GNPTAB: variants seen among roughly 807,000 people sequenced by gnomAD.
GNPTAB encodes the protein N-acetylglucosamine-1-phosphotransferase subunits alpha/beta.
GNPTAB carries 92 observed loss-of-function variants against 136.6 expected under a neutral mutation model. The ratio of observed to expected loss-of-function variants is 0.67; its 90% CI spans 0.57 to 0.80. The LOEUF (loss-of-function observed/expected upper bound fraction) is 0.80, where lower values mean the gene tolerates loss of function less well. Among genes scored for constraint, GNPTAB ranks in the 30% least tolerant of loss-of-function variants. The probability of loss-of-function intolerance (pLI) is 0.00; values close to 1 mark genes in which losing one functional copy is unlikely to be tolerated. For missense variants in GNPTAB, 1,343 were observed against 1,501.8 expected, an observed-to-expected ratio of 0.89 and a Z score of 1.75; for synonymous variants, 512 against 535.1, an observed-to-expected ratio of 0.96 and a Z score of 0.60.
chr12:101,823,818 T>A (rs1015639620), intron 1 of GNPTAB, among the ~76,000 whole-genome samples: 1 of 152,164 alleles, frequency 6.6e-6, no homozygotes, highest in Non-Finnish European at 1.5e-5. Context: ...CATATTAATA[T>A]ATCCATGCAA....
Position 101,788,264 on chromosome 12 carries a change from C to T in GNPTAB, c.365+284G>A, listed in dbSNP as rs55764824. 0.082 allele frequency among the ~76,000 whole-genome samples: 12,449 copies of T among 152,120 alleles called. 667 individuals carry two copies. Among genetic ancestry groups the T allele is most frequent in the East Asian group, 0.13 (664 of 5,192 alleles). ...GGGTAGAAGATACAGTGTAAGTGGA[C>T]CAAGATAACAATGCACCAAGAGGGA... On this transcript the variant is annotated intron_variant, in intron 4 of 20. Coordinates refer to ENST00000299314, the MANE Select transcript of GNPTAB (RefSeq NM_024312.5).
chr12:101,751,041 C>G (rs1175963760), intron 19 of GNPTAB, among the ~76,000 whole-genome samples: 1 of 152,142 alleles, frequency 6.6e-6, no homozygotes, highest in Non-Finnish European at 1.5e-5. Context: ...CCCACTAATA[C>G]TAGTTATCAT....
Position 101,804,034 on chromosome 12 carries a change from C to T in GNPTAB, c.118-7272G>A, listed in dbSNP as rs79269036. Among the ~76,000 whole-genome samples the T allele has an allele frequency of 1.8e-3, 278 of 151,782 alleles. 2 individuals are homozygous for T. The highest frequency in any genetic ancestry group is 3.4e-3 in the Middle Eastern group (1 of 294). On this transcript the variant is annotated intron_variant, in intron 1 of 20. Transcript: ENST00000299314. ...ATCGCTTGAGCCTGGAAGTTCAAGACCAGTCTGGGCAATATAGTAAGACCT... is the reference window on the plus strand; with the variant it reads ...ATCGCTTGAGCCTGGAAGTTCAAGATCAGTCTGGGCAATATAGTAAGACCT...
At chr12:101,812,762 A>G (rs1332162930) in intron 1 of GNPTAB, among the ~76,000 whole-genome samples, 6 of 152,130 alleles carry the variant, frequency 3.9e-5, no homozygotes, top group African/African-American at 1.4e-4. Flanking sequence ...CTGTCTCAAA[A>G]ATAAAACAAA....
chr12:101,784,835 C>A (rs1258639577), intron 5 of GNPTAB, among the ~76,000 whole-genome samples: 1 of 152,222 alleles, frequency 6.6e-6, no homozygotes, highest in African/African-American at 2.4e-5. Flanking sequence ...AAAGGGAACA[C>A]GGCAGCTTTC....
Position 101,780,281 on chromosome 12 carries a change from T to G in GNPTAB, c.642A>C (p.Thr214=). 2 of 1,614,044 alleles carry G rather than the reference T, an allele frequency of 1.2e-6. No individual in the cohort carries two copies. The highest frequency in any genetic ancestry group is 1.7e-6 in the Non-Finnish European group (2 of 1,179,930). ...GCACTAATCCAGGGACTTCTTTATC[T>G]GTTGTCTAAAATAAGGGGAAAAACA... The part of the protein sequence containing the change: ...RQTVWRGYLT[T]DKEVPGLVLM... The change falls in exon 7 of 21, where the codon ACA becomes ACC. Residue 214 remains threonine (T), a synonymous_variant. Transcript: ENST00000299314.
intron 7 of GNPTAB, among the ~76,000 whole-genome samples, chr12:101,775,448 C>A (rs145596182): frequency 6.6e-6 from 1 of 151,908 alleles, no homozygotes; most frequent in Non-Finnish European, 1.5e-5. Flanking sequence ...CAACCTCTGC[C>A]TGCTGGGTTC....
chr12:101,764,106 AG>A, intron 13 of GNPTAB, 95 bp downstream of exon 13: 1 of 1,502,570 alleles, frequency 6.7e-7, no homozygotes, highest in Non-Finnish European at 9.2e-7. Flanking sequence ...TGGCCGGCAC[AG>A]GGAAGTGCTG....
At chr12:101,773,375 T>C (rs929491496) in intron 7 of GNPTAB, 2 of 301,278 alleles carry the variant, frequency 6.6e-6, no homozygotes, top group East Asian at 9.4e-5. Context: ...ATCCTGCTTA[T>C]ACATTTTCAC....
At chr12:101,823,353 T>C (rs761537678) in intron 1 of GNPTAB, among the ~76,000 whole-genome samples, 1 of 152,150 alleles carries the variant, frequency 6.6e-6, no homozygotes, top group Admixed American at 6.5e-5. Flanking sequence ...CTTATGTCTG[T>C]AATCCCAGCA....
chr12:101,817,629 C>A (rs1162264910), intron 1 of GNPTAB, among the ~76,000 whole-genome samples: 1 of 152,020 alleles, frequency 6.6e-6, no homozygotes, highest in Non-Finnish European at 1.5e-5. Context: ...ATGTGCATAA[C>A]TATTATATAG....
chr12:101,765,363 CCTTT>C (rs1953074823), intron 12 of GNPTAB, 59 bp from the exon 13 acceptor site: 1 of 1,138,096 alleles, frequency 8.8e-7, no homozygotes, highest in African/African-American at 1.5e-5. Flanking sequence ...CCTCTGTTTT[CCTTT>C]AATTCTTTGA....
chr12:101,807,816 G>A (rs373577780), intron 1 of GNPTAB, among the ~76,000 whole-genome samples: 2 of 152,154 alleles, frequency 1.3e-5, no homozygotes, highest in East Asian at 1.9e-4. Flanking sequence ...TGTAGTCCCA[G>A]CTACTCAGTG....
chr12:101,806,518 G>A (rs549147533), intron 1 of GNPTAB, among the ~76,000 whole-genome samples: 97 of 152,246 alleles, frequency 6.4e-4, no homozygotes, highest in African/African-American at 2.3e-3. Context: ...TGTAACTAAT[G>A]CCACTGAGTT....
intron 1 of GNPTAB, among the ~76,000 whole-genome samples, chr12:101,825,020 T>C (rs1365283095): frequency 2.6e-5 from 4 of 152,192 alleles, no homozygotes; most frequent in Non-Finnish European, 4.4e-5. Flanking sequence ...GAAGCCTCCC[T>C]AAAGCTCATG....
At chr12:101,769,874 A>T in intron 10 of GNPTAB, 147 bp downstream of exon 10, 1 of 833,366 alleles carries the variant, frequency 1.2e-6, no homozygotes, top group Non-Finnish European at 2.0e-6. Flanking sequence ...CAAGTGATCC[A>T]CCCACCTCCG....
rs76300806 is a variant in GNPTAB at position 101,830,713 on chromosome 12, AGCCGCCGCCGCC to A, written c.-50_-39del. ...GCCACGCCACGCCCCGAGGAGCCTG[AGCCGCCGCCGCC>A]GCCGCCGCCGCCTCAGCGAGCCGCC... is the stretch of plus-strand genomic sequence containing the variant. On this transcript the variant is annotated 5_prime_UTR_variant, in exon 1 of 21. Transcript: ENST00000299314. 1.1e-4 allele frequency: 120 copies of A among 1,046,988 alleles called. No homozygotes were observed. Among genetic ancestry groups the A allele is most frequent in the Admixed American group, 6.0e-4 (30 of 50,280 alleles). The allele number at this position is 1,046,988 out of a possible 1,614,324, so 64.9% of individuals were successfully genotyped here.
intron 5 of GNPTAB, chr12:101,785,757 G>C: frequency 2.2e-6 from 1 of 460,566 alleles, no homozygotes; most frequent in Non-Finnish European, 3.9e-6. Flanking sequence ...AGAGAACAAG[G>C]TAATTGTGAT....
intron 1 of GNPTAB, among the ~76,000 whole-genome samples, chr12:101,824,405 CATATATATATATAT>C (rs373112951): frequency 1.5e-4 from 7 of 47,822 alleles, no homozygotes; most frequent in Admixed American, 2.9e-4. Flanking sequence ...GAAATTTCAC[CATATATATATATAT>C]ATATATATAT....
Sources: allele counts gnomAD v4.1 joint callset (sites outside exome capture counted in the v4.1 genomes callset), GRCh38; gene constraint gnomAD v4.1.1; transcripts MANE v1.5; gene names NCBI Gene and HGNC (gene_info 2026-07-23, HGNC 2026-07-21).